SEZ6L: variants seen among roughly 807,000 people sequenced by gnomAD.
The protein encoded by SEZ6L is seizure 6-like protein.
Under a neutral mutation model 106.2 loss-of-function variants are expected in SEZ6L, and 37 were observed. The observed-to-expected ratio is 0.35, with a 90% CI of 0.27 to 0.46. SEZ6L has a LOEUF of 0.46. Among genes scored for constraint, SEZ6L ranks in the 20% least tolerant of loss-of-function variants. The pLI, the probability that SEZ6L is intolerant of heterozygous loss-of-function variation, is 1.00. For synonymous variants in SEZ6L, 541 were observed against 570.4 expected, an observed-to-expected ratio of 0.95 and a Z score of 0.73; for missense variants, 1,172 against 1,332.8, an observed-to-expected ratio of 0.88 and a Z score of 1.88.
chr22:26,283,900 G>A (rs1484854620), intron 1 of SEZ6L, among the ~76,000 whole-genome samples: 2 of 152,294 alleles, frequency 1.3e-5, no homozygotes, highest in South Asian at 2.1e-4. Context: ...TATTTACTGC[G>A]TTAGCCTTTA....
At chr22:26,326,285 C>T (rs148787871) in intron 9 of SEZ6L, among the ~76,000 whole-genome samples, 307 of 152,312 alleles carry the variant, frequency 2.0e-3, no homozygotes, top group Non-Finnish European at 3.9e-3. Context: ...TTAGACCTGA[C>T]ATCTTAGGGA....
At chr22:26,262,656 CA>C (rs768837454) in intron 1 of SEZ6L, among the ~76,000 whole-genome samples, 1 of 152,034 alleles carries the variant, frequency 6.6e-6, no homozygotes, top group Non-Finnish European at 1.5e-5. Context: ...TCTAGAAAGC[CA>C]GAGAGGTGAT....
At chr22:26,207,258 G>T (rs1941319383) in intron 1 of SEZ6L, among the ~76,000 whole-genome samples, 1 of 152,248 alleles carries the variant, frequency 6.6e-6, no homozygotes, top group East Asian at 1.9e-4. Flanking sequence ...ACACCACAAG[G>T]CATGGTAACC....
In SEZ6L at chr22:26,211,387, T is replaced by A. The variant is rs1184675744; in HGVS notation, c.94+41624T>A. On this transcript the variant is annotated intron_variant, in intron 1 of 16. Coordinates refer to ENST00000248933, the MANE Select transcript of SEZ6L (RefSeq NM_021115.5). Reference sequence around the variant, plus strand: ...TCAGTGTCATCCAGAAGCAAGGCTATGGAGAAGAAGCAACCCAACCACCCA... The same window carrying A: ...TCAGTGTCATCCAGAAGCAAGGCTAAGGAGAAGAAGCAACCCAACCACCCA... 3.3e-5 allele frequency among the ~76,000 whole-genome samples: 5 copies of A among 152,172 alleles called. No homozygotes were observed. In the East Asian group the frequency reaches 9.6e-4, roughly 29 times the overall value.
intron 1 of SEZ6L, among the ~76,000 whole-genome samples, chr22:26,253,760 A>G (rs1314183896): frequency 1.3e-5 from 2 of 152,228 alleles, no homozygotes; most frequent in Non-Finnish European, 2.9e-5. Flanking sequence ...TGTATAAAAA[A>G]CAGATCTCCT....
chr22:26,291,318 TC>T (rs1276980124), intron 1 of SEZ6L, among the ~76,000 whole-genome samples: 2 of 152,110 alleles, frequency 1.3e-5, no homozygotes, highest in Non-Finnish European at 2.9e-5. Context: ...GAAGACATTA[TC>T]CCTAGCAAAC....
intron 1 of SEZ6L, among the ~76,000 whole-genome samples, chr22:26,286,833 C>T (rs2080950258): frequency 6.6e-6 from 1 of 151,180 alleles, no homozygotes; most frequent in African/African-American, 2.4e-5. Context: ...CTGCCACCTC[C>T]ACCTTCTGGG....
intron 1 of SEZ6L, among the ~76,000 whole-genome samples, chr22:26,290,836 CCTCCA>C (rs1249751835): frequency 2.0e-5 from 3 of 152,242 alleles, no homozygotes; most frequent in African/African-American, 7.2e-5. Flanking sequence ...AGCCTCCAAG[CCTCCA>C]TGGGTCTTCA....
intron 1 of SEZ6L, among the ~76,000 whole-genome samples, chr22:26,206,003 C>T (rs1475182924): frequency 1.3e-5 from 2 of 152,158 alleles, no homozygotes; most frequent in Non-Finnish European, 2.9e-5. Flanking sequence ...TGATCTTCCC[C>T]TAAAAGAGCC....
At chr22:26,326,243 C>T (rs2082302478) in intron 9 of SEZ6L, among the ~76,000 whole-genome samples, 1 of 152,216 alleles carries the variant, frequency 6.6e-6, no homozygotes, top group South Asian at 2.1e-4. Context: ...CTTGTCGGTG[C>T]ACCCCTACAA....
intron 2 of SEZ6L, among the ~76,000 whole-genome samples, chr22:26,293,393 C>T (rs941955446): frequency 1.3e-5 from 2 of 152,218 alleles, no homozygotes; most frequent in Non-Finnish European, 2.9e-5. Context: ...TGCCATGGCA[C>T]GATCATAGCT....
At chr22:26,207,875 C>T (rs1041377820) in intron 1 of SEZ6L, among the ~76,000 whole-genome samples, 12 of 151,644 alleles carry the variant, frequency 7.9e-5, no homozygotes, top group Admixed American at 5.3e-4. Context: ...AGCCCACAGG[C>T]AATGTTATAA....
At chr22:26,338,207 T>C (rs1233361897) in intron 9 of SEZ6L, among the ~76,000 whole-genome samples, 1 of 152,218 alleles carries the variant, frequency 6.6e-6, no homozygotes, top group Non-Finnish European at 1.5e-5. Flanking sequence ...CCCCGTCTCC[T>C]GCAAGATGAT....
chr22:26,356,247 C>T (rs2146034785), intron 12 of SEZ6L, among the ~76,000 whole-genome samples: 1 of 152,280 alleles, frequency 6.6e-6, no homozygotes, highest in East Asian at 1.9e-4. Context: ...CAGTTAGGTA[C>T]AAACAACTGA....
At chr22:26,233,662 A>T (rs546996286) in intron 1 of SEZ6L, among the ~76,000 whole-genome samples, 82 of 152,340 alleles carry the variant, frequency 5.4e-4, no homozygotes, top group African/African-American at 1.9e-3. Flanking sequence ...ACATGTATTT[A>T]TTGAGCACGT....
chr22:26,212,567 C>T (rs2078191664), intron 1 of SEZ6L, among the ~76,000 whole-genome samples: 1 of 152,114 alleles, frequency 6.6e-6, no homozygotes. Context: ...GGACCACAGG[C>T]ATGCGCCACC....
At position 26,186,608 on chromosome 22, in the gene SEZ6L, TC is replaced by T. The variant is rs1261567422; in HGVS notation, c.94+16846del. Among the ~76,000 whole-genome samples the T allele has an allele frequency of 7.2e-5, 11 of 152,088 alleles. 1 individual carries two copies. Among genetic ancestry groups the T allele is most frequent in the Admixed American group, 5.9e-4 (9 of 15,276 alleles). On this transcript the variant is annotated intron_variant, in intron 1 of 16. Coordinates refer to ENST00000248933, the MANE Select transcript of SEZ6L (RefSeq NM_021115.5). ...GAAGGCACACCAGCATGATCAGACATCACCTGGAGATGGTGGAGGATGAGGG... is the reference window on the plus strand; with the variant it reads ...GAAGGCACACCAGCATGATCAGACATACCTGGAGATGGTGGAGGATGAGGG...
chr22:26,251,863 AT>A (rs1345040583), intron 1 of SEZ6L, among the ~76,000 whole-genome samples: 2 of 152,164 alleles, frequency 1.3e-5, no homozygotes, highest in African/African-American at 4.8e-5. Context: ...GTGGCCACTC[AT>A]CCCCCTGGAA....
rs1312356226 is a variant in SEZ6L, at chr22:26,255,186, A to G, written c.95-37220A>G. ...ATGAGCACACACCCATGAAAACATC[A>G]GTGCAAACCTCCAGTGCCCATTTTT... On this transcript the variant is annotated intron_variant, in intron 1 of 16. Coordinates refer to ENST00000248933, the MANE Select transcript of SEZ6L (RefSeq NM_021115.5). Among the ~76,000 whole-genome samples, 4 of 152,344 alleles carry G rather than the reference A, an allele frequency of 2.6e-5. No individual in the cohort carries two copies. The East Asian group carries it at 7.7e-4, about 29-fold the overall frequency.
Sources: gnomAD v4.1 joint callset for allele counts (sites outside exome capture counted in the v4.1 genomes callset) on GRCh38, gnomAD v4.1.1 for gene constraint, MANE v1.5 for transcripts, NCBI Gene and HGNC (gene_info 2026-07-23, HGNC 2026-07-21) for gene names.